Variants in SBF2 observed in about 807,000 individuals in gnomAD.
SBF2 encodes the protein SET binding factor 2.
A neutral mutation model predicts 225.2 loss-of-function variants in SBF2; 112 were observed. The ratio of observed to expected loss-of-function variants is 0.50; its 90% CI spans 0.43 to 0.58. The LOEUF is 0.58. SBF2 is among the 20% of genes least tolerant of loss of function. The pLI is 0.00. For synonymous variants in SBF2, 763 were observed against 773.3 expected, an observed-to-expected ratio of 0.99 and a Z score of 0.22; for missense variants, 1,996 against 2,206.2, an observed-to-expected ratio of 0.90 and a Z score of 1.91.
At chr11:10,165,847 C>T (rs1254275324) in intron 2 of SBF2, among the ~76,000 whole-genome samples, 1 of 152,152 alleles carries the variant, frequency 6.6e-6, no homozygotes. Context: ...TATTTTAATA[C>T]AAATTTAGCA....
At chr11:9,809,906 G>A (rs1854081739) in intron 30 of SBF2, among the ~76,000 whole-genome samples, 1 of 152,076 alleles carries the variant, frequency 6.6e-6, no homozygotes, top group African/African-American at 2.4e-5. Flanking sequence ...ACAATGTTGT[G>A]GACATACCAA....
At chr11:9,798,287 C>A (rs952361468) in intron 32 of SBF2, among the ~76,000 whole-genome samples, 3 of 152,152 alleles carry the variant, frequency 2.0e-5, no homozygotes, top group Admixed American at 1.3e-4. Context: ...CAAGTTTCCC[C>A]CTCAACCTGT....
At position 9,793,875 on chromosome 11, in the gene SBF2, A is replaced by G. The variant is rs147296911; in HGVS notation, c.4570+1956T>C. Among the ~76,000 whole-genome samples, 936 of 152,342 alleles carry G rather than the reference A, an allele frequency of 6.1e-3. 7 individuals are homozygous for G. Among genetic ancestry groups the G allele is most frequent in the African/African-American group, 0.021 (886 of 41,574 alleles). On this transcript the variant is annotated intron_variant, in intron 33 of 39. Coordinates refer to ENST00000256190, the MANE Select transcript of SBF2 (RefSeq NM_030962.4). ...TGCTTCTCTAATGAAGAGAACCATC[A>G]TCTGCTATAGGAGAAGCCTTGGTCT...
chr11:10,016,922 A>C (rs895389709), intron 6 of SBF2: 2 of 152,204 alleles, frequency 1.3e-5, no homozygotes, highest in South Asian at 4.1e-4. Flanking sequence ...GTAAGTCAAA[A>C]TCAGTTTTCT....
chr11:10,156,088 C>A (rs945140302), intron 2 of SBF2, among the ~76,000 whole-genome samples: 1 of 152,200 alleles, frequency 6.6e-6, no homozygotes, highest in Non-Finnish European at 1.5e-5. Flanking sequence ...GCCCAGGAAG[C>A]CCCCCCTATC....
At chr11:9,816,207 C>T (rs1162987482) in intron 29 of SBF2, among the ~76,000 whole-genome samples, 2 of 152,116 alleles carry the variant, frequency 1.3e-5, no homozygotes, top group Non-Finnish European at 2.9e-5. Context: ...ACCATCTTTA[C>T]AATTTATGGG....
chr11:10,234,932 G>A (rs1214377882), intron 1 of SBF2, among the ~76,000 whole-genome samples: 1 of 152,140 alleles, frequency 6.6e-6, no homozygotes, highest in Non-Finnish European at 1.5e-5. Flanking sequence ...GCCCAGACAT[G>A]GCACATCAAT....
intron 1 of SBF2, among the ~76,000 whole-genome samples, chr11:10,287,155 T>C (rs1199459792): frequency 6.6e-6 from 1 of 152,208 alleles, no homozygotes; most frequent in Non-Finnish European, 1.5e-5. Flanking sequence ...TTATATGACA[T>C]TCTAGAAAAG....
chr11:9,931,115 C>T (rs565582440), intron 16 of SBF2, among the ~76,000 whole-genome samples: 3 of 152,380 alleles, frequency 2.0e-5, no homozygotes, highest in East Asian at 1.9e-4. Flanking sequence ...TCGAACTGGG[C>T]GGAGCCCACT....
chr11:10,031,253 A>G, intron 3 of SBF2, 83 bp from the exon 4 acceptor site: 1 of 1,298,232 alleles, frequency 7.7e-7, no homozygotes. Context: ...CACCTTAAAT[A>G]TAACTTATGC....
intron 1 of SBF2, among the ~76,000 whole-genome samples, chr11:10,197,716 T>C (rs2135344053): frequency 6.6e-6 from 1 of 152,242 alleles, no homozygotes; most frequent in East Asian, 1.9e-4. Context: ...CTCTCAAAAA[T>C]TGAAATCATT....
At chr11:9,869,563 A>G (rs894444608) in intron 17 of SBF2, among the ~76,000 whole-genome samples, 5 of 152,138 alleles carry the variant, frequency 3.3e-5, no homozygotes, top group African/African-American at 1.2e-4. Context: ...AGATCAATAA[A>G]TGTGATATAT....
chr11:9,931,437 C>A (rs890204624), intron 16 of SBF2, among the ~76,000 whole-genome samples: 1 of 152,230 alleles, frequency 6.6e-6, no homozygotes, highest in Non-Finnish European at 1.5e-5. Flanking sequence ...ATTTGCTGTT[C>A]TGCAATATTT....
intron 1 of SBF2, among the ~76,000 whole-genome samples, chr11:10,262,417 T>A (rs1269879788): frequency 6.6e-6 from 1 of 152,140 alleles, no homozygotes; most frequent in Non-Finnish European, 1.5e-5. Flanking sequence ...CAACTCAAAA[T>A]AAACTACTTC....
chr11:10,292,924 C>T (rs1964259840), intron 1 of SBF2, among the ~76,000 whole-genome samples: 1 of 152,080 alleles, frequency 6.6e-6, no homozygotes, highest in African/African-American at 2.4e-5. Flanking sequence ...ATGAAAGGTT[C>T]CCACTAAAGG....
intron 1 of SBF2, among the ~76,000 whole-genome samples, chr11:10,267,706 C>A (rs1324884041): frequency 6.6e-6 from 1 of 152,010 alleles, no homozygotes; most frequent in Non-Finnish European, 1.5e-5. Context: ...TATACAAACC[C>A]GAAACTGTCT....
At chr11:10,240,105 T>C (rs931538333) in intron 1 of SBF2, among the ~76,000 whole-genome samples, 8 of 152,052 alleles carry the variant, frequency 5.3e-5, no homozygotes, top group African/African-American at 1.7e-4. Flanking sequence ...TGTGTCCCAA[T>C]AATACATGAG....
chr11:9,866,814 A>AT (rs1309426555), intron 17 of SBF2, among the ~76,000 whole-genome samples: 1 of 152,208 alleles, frequency 6.6e-6, no homozygotes, highest in Non-Finnish European at 1.5e-5. Context: ...GGGAGAAAAT[A>AT]TTTACAAACT....
At chr11:10,229,564 T>C (rs1305828253) in intron 1 of SBF2, among the ~76,000 whole-genome samples, 2 of 152,046 alleles carry the variant, frequency 1.3e-5, no homozygotes, top group African/African-American at 4.8e-5. Context: ...CTTCATTTCG[T>C]TACGTACCCA....
Sources: gnomAD v4.1 joint callset for allele counts (sites outside exome capture counted in the v4.1 genomes callset) on GRCh38, gnomAD v4.1.1 for gene constraint, MANE v1.5 for transcripts, NCBI Gene and HGNC (gene_info 2026-07-23, HGNC 2026-07-21) for gene names.